KLHL13: variants seen among roughly 807,000 people sequenced by gnomAD.
The protein encoded by KLHL13 is kelch like family member 13, also known as kelch-like protein 13.
A neutral mutation model predicts 37.1 loss-of-function variants in KLHL13; 10 were observed. The ratio of observed to expected loss-of-function variants is 0.27; its 90% CI spans 0.17 to 0.46. The LOEUF (loss-of-function observed/expected upper bound fraction) is 0.46. Among genes scored for constraint, KLHL13 ranks in the 20% least tolerant of loss-of-function variants. The pLI, the probability that KLHL13 is intolerant of heterozygous loss-of-function variation, is 1.00. For synonymous variants in KLHL13, 163 were observed against 181.2 expected, an observed-to-expected ratio of 0.90 and a Z score of 0.81; for missense variants, 360 against 509.3, an observed-to-expected ratio of 0.71 and a Z score of 2.82.
chrX:117,975,232 T>G (rs1445806616), upstream of KLHL13, among the ~76,000 whole-genome samples: 2 of 111,034 alleles, frequency 1.8e-5, no homozygotes, highest in Non-Finnish European at 3.8e-5. Context: ...ACATCAAGTT[T>G]GAAATGTCTT....
chrX:118,116,142 T>C (rs1329133020), intron 1 of KLHL13, among the ~76,000 whole-genome samples: 2 of 110,815 alleles, frequency 1.8e-5, no homozygotes, highest in South Asian at 3.9e-4. Context: ...CAAGAGACAG[T>C]AGGGCCGGGG....
chrX:117,993,737 CT>C (rs754543852), intron 1 of KLHL13, among the ~76,000 whole-genome samples: 291 of 94,249 alleles, frequency 3.1e-3, no homozygotes, highest in Admixed American at 2.9e-3. Flanking sequence ...TTATCTGTTG[CT>C]TTTTTTTTTT....
intron 1 of KLHL13, among the ~76,000 whole-genome samples, chrX:118,094,209 C>T (rs1483065507): frequency 9.0e-6 from 1 of 110,919 alleles, no homozygotes; most frequent in African/African-American, 3.3e-5. Context: ...CCTGATGGAG[C>T]TGAAAACCAC....
chrX:117,908,394 GC>G lies in KLHL13; in HGVS notation c.1366+906del, dbSNP rs370717557. ...TTCTCCTAATGCTATCCCTCCCCTA[GC>G]CCCCCAACCCCAGACAGGCCCTGGT... On this transcript the variant is annotated intron_variant, in intron 5 of 6. Transcript: ENST00000262820. Among the ~76,000 whole-genome samples, 96 of 107,952 alleles carry G rather than the reference GC, an allele frequency of 8.9e-4. 1 individual carries two copies. In the South Asian group the frequency reaches 0.038, roughly 42 times the overall value. 93.7% of individuals were successfully genotyped at this position (107,952 alleles called of 115,157 possible). A position where few individuals can be genotyped will look rare whatever the true frequency, so the allele number is the denominator to read the frequency against.
chrX:117,982,857 G>T (rs2053678880), intron 1 of KLHL13, among the ~76,000 whole-genome samples: 1 of 111,526 alleles, frequency 9.0e-6, no homozygotes, highest in South Asian at 3.8e-4. Flanking sequence ...AACACTGGCT[G>T]CTCAACACCA....
rs770474423 is a variant in KLHL13, at chrX:117,981,062, G to A, written c.-55-35487C>T. The stretch of plus-strand genomic sequence containing the variant: ...TTTAAATTCTACAAACAGCTAAAGA[G>A]TACAGAGACAGTTATACTGAAAGAT... On this transcript the variant is annotated intron_variant, in intron 1 of 6. Coordinates refer to the KLHL13 transcript ENST00000371882. 8.0e-5 allele frequency among the ~76,000 whole-genome samples: 9 copies of A among 112,113 alleles called. No homozygotes were observed. The South Asian group carries it at 1.5e-3, about 18-fold the overall frequency.
intron 1 of KLHL13, among the ~76,000 whole-genome samples, chrX:117,996,340 A>G (rs1331693251): frequency 8.9e-6 from 1 of 112,021 alleles, no homozygotes; most frequent in African/African-American, 3.2e-5. Context: ...CTAAAGCTAC[A>G]TGACTAACTT....
At position 118,053,505 on chromosome X, in the gene KLHL13, T is replaced by G. The variant is rs376730818; in HGVS notation, c.-56+63003A>C. Among the ~76,000 whole-genome samples the G allele has an allele frequency of 1.3e-3, 143 of 108,429 alleles. 2 individuals are homozygous for G. Among genetic ancestry groups the G allele is most frequent in the African/African-American group, 4.6e-3 (138 of 29,701 alleles). The allele number at this position is 108,429 out of a possible 115,157, so 94.2% of individuals were successfully genotyped here. A position where few individuals can be genotyped will look rare whatever the true frequency, so the allele number is the denominator to read the frequency against. ...GGGCCTGTTGTGGGGTGGGGCGAGG[T>G]GGGAGGGATAGCATTAGGAGATATA... On this transcript the variant is annotated intron_variant, in intron 1 of 6. Transcript: ENST00000371882.
chrX:118,036,093 A>G (rs1187118217), intron 1 of KLHL13, among the ~76,000 whole-genome samples: 1 of 102,776 alleles, frequency 9.7e-6, no homozygotes, highest in Admixed American at 1.0e-4. Flanking sequence ...GAAATAAAAG[A>G]GGATACAAAC....
intron 4 of KLHL13, among the ~76,000 whole-genome samples, chrX:117,915,550 A>G (rs1449109423): frequency 8.9e-6 from 1 of 112,143 alleles, no homozygotes; most frequent in Non-Finnish European, 1.9e-5. Flanking sequence ...AATTATTTTA[A>G]GAAAGATTAT....
In KLHL13 at chrX:117,962,082, G is replaced by A. The variant is rs780692775; in HGVS notation, c.98+10649C>T. ...AATAATAAGCTGGGTGTGGTGATGC[G>A]TGCCTGTAGTCCCAGTTACTGAGGA... is the stretch of plus-strand genomic sequence containing the variant. On this transcript the variant is annotated intron_variant, in intron 1 of 6. Transcript: ENST00000262820. 9.6e-5 allele frequency among the ~76,000 whole-genome samples: 9 copies of A among 93,533 alleles called. No homozygotes were observed. The South Asian group carries it at 1.4e-3, about 15-fold the overall frequency. 81.2% of individuals were successfully genotyped at this position (93,533 alleles called of 115,157 possible).
chrX:118,032,406 A>T (rs781523752), intron 1 of KLHL13, among the ~76,000 whole-genome samples: 12 of 111,848 alleles, frequency 1.1e-4, no homozygotes, highest in South Asian at 3.8e-4. Flanking sequence ...GAACGGGCAG[A>T]CTGCCTCTTC....
intron 5 of KLHL13, among the ~76,000 whole-genome samples, chrX:117,902,514 C>T (rs1406335707): frequency 1.8e-5 from 2 of 111,240 alleles, no homozygotes; most frequent in African/African-American, 6.5e-5. Context: ...TCGTATATAC[C>T]CACCATCATT....
chrX:117,973,121 C>G (rs1237261073), exon 1 of KLHL13: 6 of 972,038 alleles, frequency 6.2e-6, no homozygotes, highest in Non-Finnish European at 7.8e-6. Flanking sequence ...CTGTGCATAC[C>G]ATACAATGCA....
chrX:118,096,208 A>T (rs1388344539), intron 1 of KLHL13, among the ~76,000 whole-genome samples: 2 of 111,773 alleles, frequency 1.8e-5, no homozygotes, highest in Non-Finnish European at 3.8e-5. Context: ...GAAAAGAGAG[A>T]AGAATCAAAT....
chrX:117,964,546 G>A (rs2053378220), intron 1 of KLHL13, among the ~76,000 whole-genome samples: 1 of 112,104 alleles, frequency 8.9e-6, no homozygotes, highest in South Asian at 3.7e-4. Flanking sequence ...AGTAACTGCT[G>A]AATGTTATAA....
chrX:118,064,288 A>G (rs1430704254), intron 1 of KLHL13, among the ~76,000 whole-genome samples: 1 of 111,797 alleles, frequency 8.9e-6, no homozygotes, highest in Non-Finnish European at 1.9e-5. Flanking sequence ...TAAACATGGA[A>G]AGCTTAAAAT....
chrX:118,013,381 A>C (rs1484673208), intron 1 of KLHL13, among the ~76,000 whole-genome samples: 1 of 112,121 alleles, frequency 8.9e-6, no homozygotes, highest in Non-Finnish European at 1.9e-5. Flanking sequence ...TTTAAACAAC[A>C]GTACAAAGGC....
intron 1 of KLHL13, among the ~76,000 whole-genome samples, chrX:118,048,871 A>T (rs1211508801): frequency 1.8e-5 from 2 of 112,126 alleles, no homozygotes; most frequent in African/African-American, 6.5e-5. Flanking sequence ...AAAATATTCA[A>T]TATAGCTCAC....
Sources: allele counts gnomAD v4.1 joint callset (sites outside exome capture counted in the v4.1 genomes callset), GRCh38; gene constraint gnomAD v4.1.1; transcripts MANE v1.5; gene names NCBI Gene and HGNC (gene_info 2026-07-23, HGNC 2026-07-21).